Variants in CPD observed in about 807,000 individuals in gnomAD.
CPD encodes metallocarboxypeptidase D.
Under a neutral mutation model 138.3 loss-of-function variants are expected in CPD, and 69 were observed. The observed-to-expected ratio is 0.50, with a 90% CI of 0.41 to 0.61. CPD has a LOEUF of 0.61. CPD is among the 20% of genes least tolerant of loss of function. CPD has a pLI of 0.00. For missense variants in CPD, 1,432 were observed against 1,733.3 expected, an observed-to-expected ratio of 0.83 and a Z score of 3.09; for synonymous variants, 651 against 642.1, an observed-to-expected ratio of 1.01 and a Z score of -0.21.
In CPD at chr17:30,445,788, T is replaced by A. The variant is rs758843358; in HGVS notation, c.2641T>A (p.Ser881Thr). 6.2e-7 allele frequency: 1 copy of A among 1,613,872 alleles called. No homozygotes were observed. The highest frequency in any genetic ancestry group is 1.3e-5 in the African/African-American group (1 of 74,884). ...ATCCTCAACAGATTCAAACAATGAA[T>A]CAAAGAAAGGAAAAGGGGCTAGCAG... Reference protein sequence around the residue: ...VRSSTDSNNESKKGKGASSST... With the variant: ...VRSSTDSNNETKKGKGASSST... Residue 881 changes from serine to threonine, a missense_variant, in exon 12 of 21, where the codon TCA becomes ACA. Physicochemically the swap from Ser to Thr is moderately conservative, Grantham distance 58 (BLOSUM62 1). Coordinates refer to ENST00000225719, the MANE Select transcript of CPD (RefSeq NM_001304.5).
intron 2 of CPD, among the ~76,000 whole-genome samples, chr17:30,404,848 TA>T (rs1911765478): frequency 6.6e-6 from 1 of 152,150 alleles, no homozygotes; most frequent in African/African-American, 2.4e-5. Flanking sequence ...TTTAGGTAGT[TA>T]AATCTATTCA....
intron 2 of CPD, among the ~76,000 whole-genome samples, chr17:30,409,917 C>T (rs1911916496): frequency 6.6e-6 from 1 of 152,084 alleles, no homozygotes. Context: ...TGTGTTTGCT[C>T]TTGCTTCTCT....
chr17:30,427,641 T>TA (rs1331978648), intron 7 of CPD, 83 bp downstream of exon 7: 3 of 1,247,186 alleles, frequency 2.4e-6, no homozygotes, highest in Non-Finnish European at 3.4e-6. Context: ...TTTGTAGTGT[T>TA]ATGCTTTCTT....
intron 2 of CPD, among the ~76,000 whole-genome samples, chr17:30,406,912 C>T (rs1911815834): frequency 6.6e-6 from 1 of 151,948 alleles, no homozygotes. Flanking sequence ...TTTGCTGCAC[C>T]CATCAGCTTA....
chr17:30,423,982 T>C (rs1271301550), intron 6 of CPD, among the ~76,000 whole-genome samples: 1 of 152,230 alleles, frequency 6.6e-6, no homozygotes, highest in Admixed American at 6.5e-5. Context: ...GCAATAGTTC[T>C]GTTGACAAAG....
chr17:30,409,741 C>T (rs953455784), intron 2 of CPD, among the ~76,000 whole-genome samples: 3 of 108,530 alleles, frequency 2.8e-5, no homozygotes, highest in African/African-American at 7.8e-5. Context: ...TGATTCTTCT[C>T]TCTTTTCTTC....
intron 7 of CPD, among the ~76,000 whole-genome samples, chr17:30,430,834 G>A (rs1040200405): frequency 6.6e-6 from 1 of 151,554 alleles, no homozygotes; most frequent in East Asian, 1.9e-4. Flanking sequence ...TTAATTTTTT[G>A]TAGAGACAGG....
At chr17:30,424,257 C>G (rs1360303200) in intron 6 of CPD, among the ~76,000 whole-genome samples, 1 of 152,150 alleles carries the variant, frequency 6.6e-6, no homozygotes, top group African/African-American at 2.4e-5. Context: ...TTGTAGTTAC[C>G]AAAGTTTGAT....
At chr17:30,432,400 T>C (rs1912587153) in intron 8 of CPD, among the ~76,000 whole-genome samples, 2 of 152,176 alleles carry the variant, frequency 1.3e-5, no homozygotes, top group African/African-American at 4.8e-5. Flanking sequence ...ACAAAGACTT[T>C]TGCATCTAAA....
chr17:30,452,964 A>G (rs1234533806), intron 14 of CPD, among the ~76,000 whole-genome samples: 1 of 151,946 alleles, frequency 6.6e-6, no homozygotes, highest in Admixed American at 6.6e-5. Flanking sequence ...CACTATCACA[A>G]GAATAATACG....
chr17:30,408,441 A>G (rs977699034), intron 2 of CPD, among the ~76,000 whole-genome samples: 3 of 152,214 alleles, frequency 2.0e-5, no homozygotes, highest in African/African-American at 7.2e-5. Flanking sequence ...ATCCATGAGC[A>G]TGGAATGTTC....
At chr17:30,426,945 C>T (rs992662252) in intron 6 of CPD, among the ~76,000 whole-genome samples, 5 of 152,084 alleles carry the variant, frequency 3.3e-5, no homozygotes, top group African/African-American at 1.2e-4. Context: ...CTTTGGGAGG[C>T]TGAGGGGGGT....
At chr17:30,401,617 G>A (rs372635365) in intron 2 of CPD, among the ~76,000 whole-genome samples, 2 of 151,980 alleles carry the variant, frequency 1.3e-5, no homozygotes, top group East Asian at 1.9e-4. Flanking sequence ...CTAAGCAGCC[G>A]GGACTACAGG....
In CPD at chr17:30,466,325, G is replaced by GT. The variant is rs1299726241; in HGVS notation, c.*1512dup. 1 of 152,584 alleles carries GT rather than the reference G, an allele frequency of 6.6e-6. No homozygotes were observed. The highest frequency in any genetic ancestry group is 1.5e-5 in the Non-Finnish European group (1 of 68,024). The allele number at this position is 152,584 out of a possible 1,614,324, so 9.5% of individuals were successfully genotyped here. ...GTATCAGTTATCCCAAAGCCTTCAG[G>GT]TGGAGGGGTTTACCACCTTCCTAGG... On this transcript the variant is annotated 3_prime_UTR_variant, in exon 21 of 21. Coordinates refer to ENST00000225719, the MANE Select transcript of CPD (RefSeq NM_001304.5).
intron 2 of CPD, among the ~76,000 whole-genome samples, chr17:30,419,694 T>C (rs948601083): frequency 2.6e-5 from 4 of 152,168 alleles, no homozygotes; most frequent in African/African-American, 9.7e-5. Context: ...GAAGTGTCTT[T>C]TGTGATCATC....
chr17:30,388,662 A>G (rs1217406300), intron 2 of CPD, among the ~76,000 whole-genome samples: 1 of 152,198 alleles, frequency 6.6e-6, no homozygotes, highest in Non-Finnish European at 1.5e-5. Flanking sequence ...AGCTGCTGCC[A>G]GCTCCCAGCT....
intron 6 of CPD, among the ~76,000 whole-genome samples, chr17:30,426,426 T>C (rs780663946): frequency 1.3e-5 from 2 of 152,132 alleles, no homozygotes; most frequent in Non-Finnish European, 2.9e-5. Context: ...AATGGGTTGA[T>C]TGGTTGGGGA....
chr17:30,429,823 A>G (rs1912515581), intron 7 of CPD, among the ~76,000 whole-genome samples: 2 of 152,150 alleles, frequency 1.3e-5, no homozygotes, highest in African/African-American at 4.8e-5. Flanking sequence ...CTAATGAAAG[A>G]TGAGGGTTAT....
chr17:30,437,214 TG>T (rs1912726725), intron 8 of CPD, among the ~76,000 whole-genome samples: 1 of 152,104 alleles, frequency 6.6e-6, no homozygotes, highest in Non-Finnish European at 1.5e-5. Context: ...TTTATTATGG[TG>T]GGTGGTTATA....
Sources: gnomAD v4.1 joint callset for allele counts (sites outside exome capture counted in the v4.1 genomes callset) on GRCh38, gnomAD v4.1.1 for gene constraint, MANE v1.5 for transcripts, NCBI Gene and HGNC (gene_info 2026-07-23, HGNC 2026-07-21) for gene names.